Variants in CRB2 observed in about 807,000 individuals in gnomAD.
The protein encoded by CRB2 is crumbs cell polarity complex component 2.
Under a neutral mutation model 110.9 loss-of-function variants are expected in CRB2, and 85 were observed. The observed-to-expected ratio is 0.77, with a 90% confidence interval of 0.64 to 0.92. CRB2 has a LOEUF of 0.92. CRB2 is among the 40% of genes least tolerant of loss of function. CRB2 has a pLI of 0.00. For synonymous variants in CRB2, 907 were observed against 831.0 expected, an observed-to-expected ratio of 1.09 and a Z score of -1.57; for missense variants, 1,843 against 1,851.3, an observed-to-expected ratio of 1.00 and a Z score of 0.08.
intron 12 of CRB2, among the ~76,000 whole-genome samples, chr9:123,376,247 C>G (rs546452001): frequency 6.6e-6 from 1 of 152,282 alleles, no homozygotes; most frequent in South Asian, 2.1e-4. Flanking sequence ...GCTGGTGAGT[C>G]CCAGAGCCCA....
chr9:123,373,485 CGCTGCGCGG>C lies in CRB2; in HGVS notation c.2955_2963del (p.Arg987_Leu989del). 2.1e-6 allele frequency: 3 copies of C among 1,448,324 alleles called. No individual in the cohort carries two copies. The highest frequency in any genetic ancestry group is 2.7e-6 in the Non-Finnish European group (3 of 1,109,990). 89.7% of individuals were successfully genotyped at this position (1,448,324 alleles called of 1,614,324 possible). On this transcript the variant is annotated inframe_deletion, in exon 10 of 13. Coordinates refer to ENST00000373631, the MANE Select transcript of CRB2 (RefSeq NM_173689.7). ...CTGGATGGTGCCGCCACCCCGGTGG[CGCTGCGCGG>C]CCTGGCCAGTGACCTGGGCTTCCTG...
chr9:123,362,585 C>G (rs375457786), intron 1 of CRB2, among the ~76,000 whole-genome samples: 2 of 152,140 alleles, frequency 1.3e-5, no homozygotes, highest in African/African-American at 2.4e-5. Flanking sequence ...GGGAAGCTCA[C>G]GGGGCTCAGG....
Position 123,370,854 on chromosome 9 carries a change from C to T in CRB2, c.1801C>T (p.Leu601=), listed in dbSNP as rs753829498. The change falls in exon 7 of 13, where the codon CTG becomes TTG. Residue 601 remains leucine, a synonymous_variant. Transcript: ENST00000373631. ...LPEDLGENVL[L]GCERREQCRP... is the part of the protein sequence containing the mutation. ...TGAGGATCTCGGTGAGAACGTCCTC[C>T]TGGGCTGTGAGCGCCGAGAGCAGTG... 6.2e-7 allele frequency: 1 copy of T among 1,609,126 alleles called. No individual in the cohort carries two copies. Among genetic ancestry groups the T allele is most frequent in the African/African-American group, 1.3e-5 (1 of 74,898 alleles).
At position 123,373,538 on chromosome 9, in the gene CRB2, C is replaced by T. The variant is rs755387431; in HGVS notation, c.3007C>T (p.Arg1003Cys). Reference sequence around the variant, plus strand: ...CTTCCTGCAGGGCCCGGGTGCTGTGCGCATCCTGCTGGCTGAGAACTTCAC... The same window carrying T: ...CTTCCTGCAGGGCCCGGGTGCTGTGTGCATCCTGCTGGCTGAGAACTTCAC... ...LGFLQGPGAV[R>C]ILLAENFTGC... is the part of the protein sequence containing the mutation. Residue 1003 changes from arginine (R) to cysteine (C), a missense_variant, in exon 10 of 13, where the codon CGC becomes TGC. Transcript: ENST00000373631. The T allele has an allele frequency of 1.9e-5, 28 of 1,486,142 alleles. No individual in the cohort carries two copies. Among genetic ancestry groups the T allele is most frequent in the African/African-American group, 5.8e-5 (4 of 68,974 alleles). The allele number at this position is 1,486,142 out of a possible 1,614,324, so 92.1% of individuals were successfully genotyped here. A position where few individuals can be genotyped will look rare whatever the true frequency, so the allele number is the denominator to read the frequency against.
downstream of CRB2, chr9:123,379,680 A>G (rs951856866): frequency 6.6e-6 from 1 of 152,272 alleles, no homozygotes; most frequent in African/African-American, 2.4e-5. Context: ...ATTTTATTGA[A>G]TGCACACAAA....
chr9:123,359,715 G>A (rs1244152498), intron 1 of CRB2, among the ~76,000 whole-genome samples: 1 of 152,096 alleles, frequency 6.6e-6, no homozygotes, highest in Non-Finnish European at 1.5e-5. Context: ...TTCCCAAAGT[G>A]CTGGGATTAC....
upstream of CRB2, chr9:123,356,124 G>A (rs2041793767): frequency 3.8e-6 from 2 of 523,590 alleles, no homozygotes; most frequent in Non-Finnish European, 6.4e-6. Flanking sequence ...AGGAGGAGGC[G>A]GTGGCGGGGA....
chr9:123,373,737 GTGCCTGCCGTGACCTCTTCGACGCCTT>G lies in CRB2; in HGVS notation c.3214_3240del (p.Arg1072_Cys1080del). On this transcript the variant is annotated inframe_deletion, in exon 10 of 13. Coordinates refer to ENST00000373631, the MANE Select transcript of CRB2 (RefSeq NM_173689.7). ...GCGCCCTCGCCCTGTCTGCACGACG[GTGCCTGCCGTGACCTCTTCGACGCCTT>G]TGCCTGCGCCTGCGGCCCGGGGTGG... 3 of 1,581,892 alleles carry G rather than the reference GTGCCTGCCGTGACCTCTTCGACGCCTT, an allele frequency of 1.9e-6. No individual in the cohort carries two copies. Among genetic ancestry groups the G allele is most frequent in the Non-Finnish European group, 2.6e-6 (3 of 1,173,324 alleles).
At position 123,367,690 on chromosome 9, in the gene CRB2, T is replaced by A; in HGVS notation, c.1054+4T>A. 6.5e-7 allele frequency: 1 copy of A among 1,546,402 alleles called. No individual in the cohort carries two copies. The highest frequency in any genetic ancestry group is 8.7e-7 in the Non-Finnish European group (1 of 1,144,136). On this transcript the variant is annotated splice_donor_region_variant and intron_variant, in intron 6 of 12. Coordinates refer to ENST00000373631, the MANE Select transcript of CRB2 (RefSeq NM_173689.7). ...CACTGCCCAGATGGCTACGCAGGTG[T>A]CTGGGGTGGGGTGGGCCCTGGGACC...
Position 123,373,415 on chromosome 9 carries a change from G to T in CRB2, c.2884G>T (p.Ala962Ser), listed in dbSNP as rs1314962552. The change falls in exon 10 of 13, where the codon GCC becomes TCC. Residue 962 changes from alanine to serine, a missense_variant. Coordinates refer to ENST00000373631, the MANE Select transcript of CRB2 (RefSeq NM_173689.7). ...ADGAWHRVRL[A>S]MERPAATTSR... The stretch of plus-strand genomic sequence containing the variant: ...TGGTGCCTGGCACCGCGTGCGTCTG[G>T]CCATGGAGCGCCCGGCGGCCACCAC... 6.9e-7 allele frequency: 1 copy of T among 1,447,202 alleles called. No homozygotes were observed. Among genetic ancestry groups the T allele is most frequent in the Non-Finnish European group, 9.0e-7 (1 of 1,105,454 alleles). 89.6% of individuals were successfully genotyped at this position (1,447,202 alleles called of 1,614,324 possible). A position where few individuals can be genotyped will look rare whatever the true frequency, so the allele number is the denominator to read the frequency against.
At chr9:123,374,793 C>T (rs779789706) in intron 11 of CRB2, 98 bp downstream of exon 11, 33 of 757,934 alleles carry the variant, frequency 4.4e-5, no homozygotes, top group Non-Finnish European at 6.1e-5. Flanking sequence ...CACCTTCTCA[C>T]CCCTCCCTGG....
In CRB2 at chr9:123,372,332, T is replaced by A; in HGVS notation, c.2592T>A (p.Asp864Glu). The change falls in exon 9 of 13, where the codon GAT becomes GAA. Residue 864 changes from aspartate (D) to glutamate (E), a missense_variant. Transcript: ENST00000373631. ...CTGCCACGTGTGAGGAGGTCCCTGA[T>A]GGCTTTGTGTGTGAGTGTGTGTCCT... is the stretch of plus-strand genomic sequence containing the variant. ...LPPATCEEVP[D>E]GFVCVAEATF... 3 of 1,596,970 alleles carry A rather than the reference T, an allele frequency of 1.9e-6. No homozygotes were observed. The highest frequency in any genetic ancestry group is 2.6e-6 in the Non-Finnish European group (3 of 1,171,160).
intron 1 of CRB2, among the ~76,000 whole-genome samples, chr9:123,360,513 C>T (rs1484002413): frequency 6.6e-6 from 1 of 152,202 alleles, no homozygotes; most frequent in Non-Finnish European, 1.5e-5. Flanking sequence ...CCTAGGCTCA[C>T]TCCTGGAAGA....
Position 123,356,282 on chromosome 9 carries a change from A to T in CRB2, c.22A>T (p.Thr8Ser). Reference protein sequence around the residue: MALARPGTPDPQALASVL... With the variant: MALARPGSPDPQALASVL... ...TGCCATGGCGCTGGCCAGGCCTGGG[A>T]CCCCGGACCCCCAGGCCCTGGCCTC... Residue 8 changes from threonine (T) to serine (S), a missense_variant, in exon 1 of 13, where the codon ACC becomes TCC. Thr to Ser is a moderately conservative substitution (Grantham distance 58). Transcript: ENST00000373631. 6.5e-7 allele frequency: 1 copy of T among 1,536,610 alleles called. No homozygotes were observed. Among genetic ancestry groups the T allele is most frequent in the Non-Finnish European group, 8.8e-7 (1 of 1,142,564 alleles).
chr9:123,368,264 C>T (rs1007608299), intron 6 of CRB2, among the ~76,000 whole-genome samples: 6 of 152,142 alleles, frequency 3.9e-5, no homozygotes, highest in Non-Finnish European at 7.4e-5. Flanking sequence ...CTCCTGGGCA[C>T]AGGCTCCTCC....
chr9:123,374,792 A>C (rs1588220452), intron 11 of CRB2, 97 bp downstream of exon 11: 1 of 757,312 alleles, frequency 1.3e-6, no homozygotes, highest in Non-Finnish European at 2.2e-6. Context: ...CCACCTTCTC[A>C]CCCCTCCCTG....
intron 11 of CRB2, 69 bp downstream of exon 11, chr9:123,374,764 T>G (rs964897460): frequency 1.4e-5 from 16 of 1,170,142 alleles, no homozygotes; most frequent in Non-Finnish European, 2.0e-5. Flanking sequence ...CCAGCCAGGG[T>G]GGGGCGGGGG....
In CRB2 at chr9:123,373,721, C is replaced by T. The variant is rs868484209; in HGVS notation, c.3190C>T (p.Pro1064Ser). 12 of 1,562,734 alleles carry T rather than the reference C, an allele frequency of 7.7e-6. No individual in the cohort carries two copies. The highest frequency in any genetic ancestry group is 2.5e-5 in the East Asian group (1 of 40,816). ...CRGAPVCAPSPCLHDGACRDL... is the reference protein window; with the variant it reads ...CRGAPVCAPSSCLHDGACRDL... Reference sequence around the variant, plus strand: ...CGGCGCGCCCGTGTGTGCGCCCTCGCCCTGTCTGCACGACGGTGCCTGCCG... The same window carrying T: ...CGGCGCGCCCGTGTGTGCGCCCTCGTCCTGTCTGCACGACGGTGCCTGCCG... Residue 1064 changes from proline (P) to serine (S), a missense_variant, in exon 10 of 13, where the codon CCC (proline) becomes TCC (serine). Coordinates refer to ENST00000373631, the MANE Select transcript of CRB2 (RefSeq NM_173689.7).
rs182417586 is a variant in CRB2 at position 123,365,785 on chromosome 9, C to T, written c.419-132C>T. On this transcript the variant is annotated intron_variant, in intron 2 of 12. Transcript: ENST00000373631. ...GCATGACCCGTCCCCCACCCCCCAA[C>T]CACCACCACCACCATCCGGCTCTGA... 164 of 686,738 alleles carry T rather than the reference C, an allele frequency of 2.4e-4. 1 individual carries two copies. The African/African-American group carries it at 2.6e-3, about 11-fold the overall frequency. 42.5% of individuals were successfully genotyped at this position (686,738 alleles called of 1,614,324 possible).
Sources: allele counts gnomAD v4.1 joint callset (sites outside exome capture counted in the v4.1 genomes callset), GRCh38; gene constraint gnomAD v4.1.1; transcripts MANE v1.5; gene names NCBI Gene and HGNC (gene_info 2026-07-23, HGNC 2026-07-21).